The following CEP250 variants were observed in gnomAD, a reference collection of about 807,000 sequenced individuals.
The protein encoded by CEP250 is centrosome-associated protein CEP250.
Under a neutral mutation model 315.7 loss-of-function variants are expected in CEP250, and 242 were observed. The observed-to-expected ratio is 0.77, with a 90% CI of 0.69 to 0.85. CEP250 has a LOEUF of 0.85. Ranked by LOEUF, CEP250 falls within the 40% of genes least tolerant of loss-of-function variation. The probability of loss-of-function intolerance (pLI) is 0.00; values close to 1 mark genes in which losing one functional copy is unlikely to be tolerated. For missense variants in CEP250, 2,515 were observed against 2,886.4 expected (o/e 0.87, Z 2.95); for synonymous variants, 1,088 against 1,175.0 (o/e 0.93, Z 1.51).
chr20:35,498,651 G>T lies in CEP250; in HGVS notation c.3712G>T (p.Ala1238Ser), dbSNP rs375032151. 2.5e-5 allele frequency: 40 copies of T among 1,608,054 alleles called. No homozygotes were observed. Among genetic ancestry groups the T allele is most frequent in the Non-Finnish European group, 3.2e-5 (38 of 1,178,388 alleles). Residue 1238 changes from alanine to serine, a missense_variant, in exon 27 of 35, where the codon GCT (alanine) becomes TCT (serine). Physicochemically the swap from Ala to Ser is moderately conservative, Grantham distance 99. Transcript: ENST00000397527. ...KRGPLLTALS[A>S]EAVASALHKL... ...AGGGCCCCTGCTGACTGCTCTCTCCGCTGAGGCAGTAGCATCTGCCCTCCA... is the reference window on the plus strand; with the variant it reads ...AGGGCCCCTGCTGACTGCTCTCTCCTCTGAGGCAGTAGCATCTGCCCTCCA...
At position 35,504,211 on chromosome 20, in the gene CEP250, G is replaced by A; in HGVS notation, c.5842G>A (p.Glu1948Lys). Residue 1948 changes from glutamate (E) to lysine (K), a missense_variant, in exon 30 of 35, where the codon GAA (glutamate) becomes AAA (lysine). Coordinates refer to ENST00000397527, the MANE Select transcript of CEP250 (RefSeq NM_007186.6). ...RDQELEALRA[E>K]SQSSRHQEEA... ...CCAGGAGCTGGAAGCTCTGCGGGCA[G>A]AAAGTCAGTCCTCCCGGCATCAGGA... 3 of 1,611,624 alleles carry A rather than the reference G, an allele frequency of 1.9e-6. No individual in the cohort carries two copies. Among genetic ancestry groups the A allele is most frequent in the Non-Finnish European group, 2.5e-6 (3 of 1,179,096 alleles).
chr20:35,497,419 C>T (rs2063869834), intron 25 of CEP250, among the ~76,000 whole-genome samples: 1 of 152,210 alleles, frequency 6.6e-6, no homozygotes, highest in African/African-American at 2.4e-5. Flanking sequence ...GGCGCAGCGT[C>T]GAGGTTTCAG....
At chr20:35,470,755 A>C (rs1228660120) in intron 10 of CEP250, among the ~76,000 whole-genome samples, 6 of 152,218 alleles carry the variant, frequency 3.9e-5, no homozygotes, top group African/African-American at 1.4e-4. Flanking sequence ...CTCCGTCTCA[A>C]AAAAGAGAAA....
chr20:35,474,152 G>T, intron 14 of CEP250, 100 bp downstream of exon 14: 1 of 1,026,912 alleles, frequency 9.7e-7, no homozygotes, highest in South Asian at 1.8e-5. Flanking sequence ...GTATGTAGAA[G>T]TCTGGCATGC....
chr20:35,497,799 G>T lies in CEP250; in HGVS notation c.3387G>T (p.Glu1129Asp). 6.4e-7 allele frequency: 1 copy of T among 1,561,500 alleles called. No homozygotes were observed. Among genetic ancestry groups the T allele is most frequent in the Non-Finnish European group, 8.7e-7 (1 of 1,152,390 alleles). ...AQEAQLLEELEASHITEQQLR... is the reference protein window; with the variant it reads ...AQEAQLLEELDASHITEQQLR... ...AAGCACAGCTGCTGGAGGAGCTGGA[G>T]GCGTCTCATATCACGGAGCAGCAGC... The change falls in exon 26 of 35, where the codon GAG becomes GAT. Residue 1129 changes from glutamate (E) to aspartate (D), a missense_variant. Glu to Asp is a conservative substitution (Grantham distance 45). Coordinates refer to ENST00000397527, the MANE Select transcript of CEP250 (RefSeq NM_007186.6).
At position 35,503,512 on chromosome 20, in the gene CEP250, G is replaced by A. The variant is rs757984729; in HGVS notation, c.5143G>A (p.Gly1715Ser). The A allele has an allele frequency of 6.2e-7, 1 of 1,614,102 alleles. No homozygotes were observed. Among genetic ancestry groups the A allele is most frequent in the Non-Finnish European group, 8.5e-7 (1 of 1,180,020 alleles). Residue 1715 changes from glycine (G) to serine (S), a missense_variant, in exon 30 of 35, where the codon GGC becomes AGC. By Grantham distance (56) the Gly-to-Ser change is moderately conservative. Coordinates refer to ENST00000397527, the MANE Select transcript of CEP250 (RefSeq NM_007186.6). The surrounding 1 kb of genome is among the most constrained non-coding windows in gnomAD (Gnocchi z 4.2). ...LMQERAEEGK[G>S]PSKAQRGSLE... ...GCAGGAACGGGCAGAGGAAGGGAAG[G>A]GCCCAAGTAAAGCACAGCGCGGGAG...
At chr20:35,476,334 G>A in intron 15 of CEP250, 115 bp from the exon 16 acceptor site, 1 of 903,396 alleles carries the variant, frequency 1.1e-6, no homozygotes, top group South Asian at 1.7e-5. Context: ...GCAGGAGAGG[G>A]AATGGAGTAT....
In CEP250 at chr20:35,475,631, C is replaced by T. The variant is rs750652322; in HGVS notation, c.1701C>T (p.Thr567=). Residue 567 remains threonine (T), a synonymous_variant, in exon 15 of 35, where the codon ACC becomes ACT. Coordinates refer to ENST00000397527, the MANE Select transcript of CEP250 (RefSeq NM_007186.6). ...TGAGGCAAGAGCAAACGGAAGTGAC[C>T]GCAGCGCTGGCTAGGGTGCGTGGCC... ...ELLRQEQTEV[T]AALARAEQSI... is the part of the protein sequence containing the mutation. 2.5e-5 allele frequency: 41 copies of T among 1,613,590 alleles called. No individual in the cohort carries two copies. The South Asian group carries it at 3.4e-4, about 13-fold the overall frequency.
At chr20:35,473,599 C>G (rs756691191) in intron 13 of CEP250, 47 bp downstream of exon 13, 10 of 1,531,416 alleles carry the variant, frequency 6.5e-6, no homozygotes, top group Admixed American at 5.9e-5. Flanking sequence ...TGGTCTCAGT[C>G]TCAGTCACCA....
At chr20:35,455,912 A>G (rs1020511210) in intron 1 of CEP250, among the ~76,000 whole-genome samples, 161 bp downstream of exon 1, 4 of 152,152 alleles carry the variant, frequency 2.6e-5, no homozygotes, top group Admixed American at 2.6e-4. Context: ...TTATTTATTT[A>G]GAGACGGAGT....
At chr20:35,484,216 T>G (rs1369547801) in intron 20 of CEP250, among the ~76,000 whole-genome samples, 6 of 152,086 alleles carry the variant, frequency 3.9e-5, no homozygotes, top group African/African-American at 1.4e-4. Flanking sequence ...CCCAGAGACC[T>G]TTGTTCTGAG....
chr20:35,479,707 G>A lies in CEP250; in HGVS notation c.2350G>A (p.Glu784Lys), dbSNP rs2063286381. Reference protein sequence around the residue: ...FEAQQQNSVIEVTKGQLEVQI... With the variant: ...FEAQQQNSVIKVTKGQLEVQI... ...AGCCCAACAACAAAATTCTGTGATA[G>A]AGGTCACCAAGGGGCAGCTGGAGGT... Residue 784 changes from glutamate to lysine, a missense_variant, in exon 19 of 35, where the codon GAG becomes AAG. Physicochemically the swap from Glu to Lys is moderately conservative, Grantham distance 56. Coordinates refer to ENST00000397527, the MANE Select transcript of CEP250 (RefSeq NM_007186.6). 1.2e-6 allele frequency: 2 copies of A among 1,614,070 alleles called. No individual in the cohort carries two copies. Among genetic ancestry groups the A allele is most frequent in the Non-Finnish European group, 1.7e-6 (2 of 1,180,046 alleles).
At position 35,509,063 on chromosome 20, in the gene CEP250, G is replaced by A. The variant is rs2147218569; in HGVS notation, c.7008+19G>A. ...ACAGCAGGTTTACTCATTTTCCTCA[G>A]CTGCAGCCTTAGAGAGCCCAACCCC... On this transcript the variant is annotated intron_variant, in intron 33 of 34. Transcript: ENST00000397527. 6.5e-7 allele frequency: 1 copy of A among 1,548,272 alleles called. No homozygotes were observed.
intron 7 of CEP250, among the ~76,000 whole-genome samples, 184 bp downstream of exon 7, chr20:35,466,388 C>T (rs774823832): frequency 6.6e-6 from 1 of 152,214 alleles, no homozygotes; most frequent in Non-Finnish European, 1.5e-5. Flanking sequence ...TCAGCTTAGA[C>T]CTGCCACTAC....
At position 35,504,429 on chromosome 20, in the gene CEP250, G is replaced by T; in HGVS notation, c.6060G>T (p.Arg2020Ser). 3.7e-6 allele frequency: 6 copies of T among 1,610,178 alleles called. No individual in the cohort carries two copies. The highest frequency in any genetic ancestry group is 1.7e-4 in the Middle Eastern group (1 of 6,058). Residue 2020 changes from arginine to serine, a missense_variant, in exon 30 of 35, where the codon AGG becomes AGT. By Grantham distance (110) the Arg-to-Ser change is moderately radical. Coordinates refer to ENST00000397527, the MANE Select transcript of CEP250 (RefSeq NM_007186.6). ...AHSRQLEEALRIQEGEIQDQD... is the reference protein window; with the variant it reads ...AHSRQLEEALSIQEGEIQDQD... ...GTCGGCAGCTGGAGGAGGCTCTGAG[G>T]ATACAAGAAGGTGAGATCCAGGACC...
chr20:35,494,948 A>G (rs1295810976), intron 24 of CEP250, among the ~76,000 whole-genome samples: 3 of 149,268 alleles, frequency 2.0e-5, no homozygotes, highest in Admixed American at 6.8e-5. Context: ...TGGGGAAGAC[A>G]TTAATCAAAT....
chr20:35,457,722 C>CG (rs758026728), intron 1 of CEP250, among the ~76,000 whole-genome samples: 151 of 152,014 alleles, frequency 9.9e-4, no homozygotes, highest in Non-Finnish European at 1.5e-3. Context: ...TTGCCTGAAC[C>CG]GGGGAGGCAG....
chr20:35,482,395 TAATTTTTTGTATTTTTAGTAAATACAAA>T (rs1005495081), intron 20 of CEP250, among the ~76,000 whole-genome samples: 3 of 151,878 alleles, frequency 2.0e-5, no homozygotes, highest in African/African-American at 7.3e-5. Flanking sequence ...CATGCCCGGC[TAATTTTTTGTATTTTTAGTAAATACAAA>T]AATTTTTTGT....
Position 35,504,409 on chromosome 20 carries a change from C to T in CEP250, c.6040C>T (p.Gln2014Ter). The T allele has an allele frequency of 1.9e-6, 3 of 1,606,736 alleles. No individual in the cohort carries two copies. Among genetic ancestry groups the T allele is most frequent in the Non-Finnish European group, 2.5e-6 (3 of 1,176,634 alleles). The change falls in exon 30 of 35, where the codon CAG (glutamine) becomes TAG (stop). Residue 2014 changes from glutamine to a stop codon, truncating the protein, a stop_gained. Coordinates refer to ENST00000397527, the MANE Select transcript of CEP250 (RefSeq NM_007186.6). LOFTEE classifies it high-confidence loss of function. ...SLDACQAHSR[Q>*]LEEALRIQEG... ...GGATGCCTGCCAGGCACACAGTCGG[C>T]AGCTGGAGGAGGCTCTGAGGATACA...
Sources: allele counts gnomAD v4.1 joint callset (sites outside exome capture counted in the v4.1 genomes callset), GRCh38; gene constraint gnomAD v4.1.1; non-coding constraint Gnocchi (gnomAD v3.1); transcripts MANE v1.5; gene names NCBI Gene and HGNC (gene_info 2026-07-23, HGNC 2026-07-21).